Variants in TMEM108 observed in about 807,000 individuals in gnomAD.
TMEM108 encodes the protein cancer/testis antigen 124.
A neutral mutation model predicts 35.1 loss-of-function variants in TMEM108; 12 were observed. The ratio of observed to expected loss-of-function variants is 0.34; its 90% CI spans 0.22 to 0.55. The LOEUF (loss-of-function observed/expected upper bound fraction) is 0.55, where lower values mean the gene tolerates loss of function less well. TMEM108 is among the 20% of genes least tolerant of loss of function. The probability of loss-of-function intolerance (pLI) is 0.89; values close to 1 mark genes in which losing one functional copy is unlikely to be tolerated. For synonymous variants in TMEM108, 287 were observed against 308.6 expected (o/e 0.93, Z 0.73); for missense variants, 680 against 753.3 (o/e 0.90, Z 1.14).
At chr3:133,302,415 C>CTTTTTTTTTTTTTTTT (rs927704510) in intron 3 of TMEM108, among the ~76,000 whole-genome samples, 7 of 110,102 alleles carry the variant, frequency 6.4e-5, no homozygotes, top group South Asian at 3.3e-4. Context: ...TTCTTTCTTT[C>CTTTTTTTTTTTTTTTT]TTTTTTTTTT....
chr3:133,395,012 T>C (rs2073285671), intron 5 of TMEM108, among the ~76,000 whole-genome samples: 1 of 152,240 alleles, frequency 6.6e-6, no homozygotes, highest in African/African-American at 2.4e-5. Context: ...CTTTCTTTTT[T>C]TCTCTCTCTT....
intron 2 of TMEM108, among the ~76,000 whole-genome samples, chr3:133,057,418 TA>T (rs1943478157): frequency 1.3e-5 from 1 of 79,540 alleles, no homozygotes; most frequent in Non-Finnish European, 2.9e-5. Context: ...TATGGGCTAT[TA>T]GTTGTGTGTG....
intron 3 of TMEM108, among the ~76,000 whole-genome samples, chr3:133,244,727 A>C (rs957402176): frequency 3.3e-5 from 5 of 152,260 alleles, no homozygotes; most frequent in Admixed American, 1.3e-4. Flanking sequence ...CCGAAGTTCA[A>C]GGAATACTTC....
chr3:133,158,867 A>G (rs1036593467), intron 2 of TMEM108, among the ~76,000 whole-genome samples: 4 of 152,216 alleles, frequency 2.6e-5, no homozygotes, highest in African/African-American at 9.6e-5. Context: ...ACAGCTGGCT[A>G]CTGTCATCCA....
intron 3 of TMEM108, among the ~76,000 whole-genome samples, chr3:133,297,636 C>G (rs890388921): frequency 1.3e-5 from 2 of 152,158 alleles, no homozygotes; most frequent in Admixed American, 1.3e-4. Context: ...GATTCTCAGT[C>G]ACTTCAGCAG....
Position 133,332,901 on chromosome 3 carries a change from G to A in TMEM108, c.41-46851G>A, listed in dbSNP as rs1054022734. On this transcript the variant is annotated intron_variant, in intron 3 of 5. Transcript: ENST00000321871. ...GAGTTTATCCCTTGTAGTGCTCCAA[G>A]TATCAGATCCCTGAGGGTTTGTCAA... Among the ~76,000 whole-genome samples the A allele has an allele frequency of 8.5e-5, 13 of 152,316 alleles. No individual in the cohort carries two copies. In the East Asian group the frequency reaches 1.9e-3, roughly 23 times the overall value.
chr3:133,337,464 A>G (rs985561569), intron 3 of TMEM108, among the ~76,000 whole-genome samples: 2 of 152,206 alleles, frequency 1.3e-5, no homozygotes, highest in African/African-American at 4.8e-5. Context: ...CAGTACCTCT[A>G]TGAGTCTGTA....
intron 2 of TMEM108, among the ~76,000 whole-genome samples, chr3:133,112,363 A>T (rs1414633369): frequency 6.6e-6 from 1 of 152,056 alleles, no homozygotes; most frequent in Non-Finnish European, 1.5e-5. Flanking sequence ...TTTTCCCTTC[A>T]CTCATGTTTT....
At chr3:133,169,529 A>G (rs1945097143) in intron 2 of TMEM108, among the ~76,000 whole-genome samples, 1 of 152,208 alleles carries the variant, frequency 6.6e-6, no homozygotes, top group Admixed American at 6.5e-5. Flanking sequence ...AGCCCTAGAG[A>G]TGCTGGCTGA....
At chr3:133,223,745 A>G (rs1311697043) in intron 2 of TMEM108, among the ~76,000 whole-genome samples, 1 of 151,592 alleles carries the variant, frequency 6.6e-6, no homozygotes, top group Non-Finnish European at 1.5e-5. Flanking sequence ...TCATTTTTAT[A>G]TAGAGGCAAT....
In TMEM108 at chr3:133,380,793, C is replaced by T; in HGVS notation, c.1082C>T (p.Pro361Leu). The T allele has an allele frequency of 3.7e-6, 6 of 1,614,202 alleles. No individual in the cohort carries two copies. Among genetic ancestry groups the T allele is most frequent in the Non-Finnish European group, 5.1e-6 (6 of 1,180,034 alleles). Reference sequence around the variant, plus strand: ...TTCACGGCTGCCACGGGGCCCACCCCAGCTGCCTTCGATACCAGTGTCTCA... The same window carrying T: ...TTCACGGCTGCCACGGGGCCCACCCTAGCTGCCTTCGATACCAGTGTCTCA... ...GVFTAATGPTPAAFDTSVSAP... is the reference protein window; with the variant it reads ...GVFTAATGPTLAAFDTSVSAP... Residue 361 changes from proline to leucine, a missense_variant, in exon 4 of 6, where the codon CCA becomes CTA. Physicochemically the swap from Pro to Leu is moderately conservative, Grantham distance 98. Transcript: ENST00000321871. This position sits in a 1 kb window ranked among gnomAD's most constrained non-coding sequence, Gnocchi z 5.3.
chr3:133,345,196 GT>G (rs2071779615), intron 3 of TMEM108, among the ~76,000 whole-genome samples: 2 of 151,800 alleles, frequency 1.3e-5, no homozygotes, highest in South Asian at 4.1e-4. Flanking sequence ...ATCTGAAACA[GT>G]TTTGTCAAAT....
chr3:133,387,947 G>A, intron 4 of TMEM108: 4 of 985,452 alleles, frequency 4.1e-6, no homozygotes, highest in Non-Finnish European at 4.8e-6. Flanking sequence ...ACCTTAGAGA[G>A]GCGTGCAAAC....
chr3:133,101,884 G>A (rs930053905), intron 2 of TMEM108, among the ~76,000 whole-genome samples: 10 of 152,174 alleles, frequency 6.6e-5, no homozygotes. Flanking sequence ...TTTAAACAGA[G>A]TGAATACAAG....
chr3:133,063,679 T>G (rs1238185358), intron 2 of TMEM108, among the ~76,000 whole-genome samples: 1 of 152,110 alleles, frequency 6.6e-6, no homozygotes, highest in South Asian at 2.1e-4. Context: ...ATAAAAGATA[T>G]GATTAAGTTA....
chr3:133,190,807 G>T (rs922334772), intron 2 of TMEM108, among the ~76,000 whole-genome samples: 11 of 152,168 alleles, frequency 7.2e-5, no homozygotes, highest in African/African-American at 2.4e-4. Context: ...GAAGTATTCA[G>T]ACAATATATT....
chr3:133,045,228 A>C (rs1323019343), intron 1 of TMEM108, among the ~76,000 whole-genome samples: 1 of 152,094 alleles, frequency 6.6e-6, no homozygotes, highest in Non-Finnish European at 1.5e-5. Flanking sequence ...TCAACCTCCC[A>C]AAGTGCTGGG....
At chr3:133,275,990 C>A (rs1478949812) in intron 3 of TMEM108, among the ~76,000 whole-genome samples, 1 of 152,124 alleles carries the variant, frequency 6.6e-6, no homozygotes, top group Non-Finnish European at 1.5e-5. Context: ...TAGCCATGGA[C>A]GTGGCATTCT....
intron 3 of TMEM108, among the ~76,000 whole-genome samples, chr3:133,371,228 T>C (rs572477276): frequency 1.1e-4 from 16 of 152,284 alleles, no homozygotes; most frequent in Admixed American, 3.3e-4. Context: ...CTGCAAAACA[T>C]AGTGGCTTAG....
Sources: gnomAD v4.1 joint callset for allele counts (sites outside exome capture counted in the v4.1 genomes callset) on GRCh38, gnomAD v4.1.1 for gene constraint, Gnocchi (gnomAD v3.1) non-coding constraint, MANE v1.5 for transcripts, NCBI Gene and HGNC (gene_info 2026-07-23, HGNC 2026-07-21) for gene names.